The following ARHGEF28 variants were observed in gnomAD, a reference collection of about 807,000 sequenced individuals.
ARHGEF28 encodes the protein 190 kDa guanine nucleotide exchange factor.
A neutral mutation model predicts 206.6 loss-of-function variants in ARHGEF28; 152 were observed. That is an observed-to-expected ratio of 0.74 (90% confidence interval 0.64 to 0.84). The LOEUF (loss-of-function observed/expected upper bound fraction) is 0.84. ARHGEF28 is among the 40% of genes least tolerant of loss of function. The pLI, the probability that ARHGEF28 is intolerant of heterozygous loss-of-function variation, is 0.00. For synonymous variants in ARHGEF28, 763 were observed against 776.4 expected (o/e 0.98, Z 0.29); for missense variants, 2,028 against 2,073.2 (o/e 0.98, Z 0.42).
intron 21 of ARHGEF28, 105 bp from the exon 22 acceptor site, chr5:73,872,894 C>A: frequency 7.9e-7 from 1 of 1,263,382 alleles, no homozygotes; most frequent in East Asian, 2.5e-5. Context: ...CTAAACATTT[C>A]TTTTTTATTT....
intron 6 of ARHGEF28, among the ~76,000 whole-genome samples, chr5:73,779,928 C>T (rs1753738527): frequency 6.6e-6 from 1 of 152,162 alleles, no homozygotes; most frequent in South Asian, 2.1e-4. Context: ...ATCCACGGGG[C>T]TTAATGACAC....
intron 1 of ARHGEF28, among the ~76,000 whole-genome samples, chr5:73,680,434 CAAA>C (rs71615795): frequency 9.8e-5 from 3 of 30,510 alleles, no homozygotes; most frequent in Admixed American, 5.6e-4. Context: ...GACTCCATCT[CAAA>C]AAAAAAAAAA....
At chr5:73,866,159 A>C in intron 18 of ARHGEF28, 146 bp downstream of exon 18, 1 of 798,734 alleles carries the variant, frequency 1.3e-6, no homozygotes, top group Non-Finnish European at 1.9e-6. Flanking sequence ...TTTTAGTTCT[A>C]TAAAGTCGTC....
Position 73,840,547 on chromosome 5 carries a change from G to C in ARHGEF28, c.1214G>C (p.Arg405Thr). The C allele has an allele frequency of 6.2e-7, 1 of 1,613,852 alleles. No homozygotes were observed. Among genetic ancestry groups the C allele is most frequent in the Non-Finnish European group, 8.5e-7 (1 of 1,179,792 alleles). The change falls in exon 11 of 36, where the codon AGA becomes ACA. Residue 405 changes from arginine (R) to threonine (T), a missense_variant. Coordinates refer to ENST00000513042, the MANE Select transcript of ARHGEF28 (RefSeq NM_001177693.2). Reference protein sequence around the residue: ...GITATTSPESRGCTLWPQSSK... With the variant: ...GITATTSPESTGCTLWPQSSK... ...ACTGCCACTACCAGCCCTGAATCCAGAGGTTGCACTCTGTGGCCTCAGAGC... is the reference window on the plus strand; with the variant it reads ...ACTGCCACTACCAGCCCTGAATCCACAGGTTGCACTCTGTGGCCTCAGAGC...
chr5:73,753,068 G>A lies in ARHGEF28; in HGVS notation c.341G>A (p.Ser114Asn). The A allele has an allele frequency of 1.2e-6, 2 of 1,610,668 alleles. No individual in the cohort carries two copies. Among genetic ancestry groups the A allele is most frequent in the Non-Finnish European group, 1.7e-6 (2 of 1,178,404 alleles). The change falls in exon 4 of 36, where the codon AGC (serine) becomes AAC (asparagine). Residue 114 changes from serine (S) to asparagine (N), a missense_variant. Transcript: ENST00000513042. ...CAGGCCAATCGCCTCACAGCCTGCAGCCACCAGACCCTGCTGACCCCATTT... is the reference window on the plus strand; with the variant it reads ...CAGGCCAATCGCCTCACAGCCTGCAACCACCAGACCCTGCTGACCCCATTT... ...VTQANRLTAC[S>N]HQTLLTPFAL...
At chr5:73,772,341 G>A (rs1753267919) in intron 4 of ARHGEF28, among the ~76,000 whole-genome samples, 1 of 152,130 alleles carries the variant, frequency 6.6e-6, no homozygotes, top group African/African-American at 2.4e-5. Context: ...GAGCTGTGAG[G>A]TGAGGTGAGA....
intron 2 of ARHGEF28, among the ~76,000 whole-genome samples, chr5:73,692,374 C>T (rs1311498533): frequency 1.3e-5 from 2 of 152,116 alleles, no homozygotes; most frequent in Admixed American, 1.3e-4. Context: ...TCACTTTTTT[C>T]TCTGGAGGCT....
chr5:73,822,907 A>T (rs540417586), intron 9 of ARHGEF28, among the ~76,000 whole-genome samples: 2 of 152,320 alleles, frequency 1.3e-5, no homozygotes, highest in Middle Eastern at 3.4e-3. Context: ...GATTATAGGC[A>T]TGAGCCACTG....
At chr5:73,898,895 C>T (rs931766102) in intron 30 of ARHGEF28, 1 of 151,910 alleles carries the variant, frequency 6.6e-6, no homozygotes, top group Non-Finnish European at 1.5e-5. Flanking sequence ...GTCTTATGTG[C>T]GTAAGATAAA....
intron 12 of ARHGEF28, 130 bp downstream of exon 12, chr5:73,846,605 G>A: frequency 2.5e-6 from 2 of 784,428 alleles, no homozygotes; most frequent in Non-Finnish European, 3.9e-6. Context: ...AGACCCATGT[G>A]ATATCTGATT....
At chr5:73,845,969 C>CAAG (rs1440700750) in intron 11 of ARHGEF28, among the ~76,000 whole-genome samples, 1 of 19,396 alleles carries the variant, frequency 5.2e-5, no homozygotes, top group Non-Finnish European at 1.7e-4. Context: ...GCCTAGGCAA[C>CAAG]AAGAACAAAA....
At chr5:73,633,334 T>C (rs542885029) in intron 1 of ARHGEF28, among the ~76,000 whole-genome samples, 185 of 151,964 alleles carry the variant, frequency 1.2e-3, no homozygotes, top group Non-Finnish European at 2.0e-3. Flanking sequence ...TGTCCCCCTT[T>C]CTTCTAGGGA....
intron 2 of ARHGEF28, among the ~76,000 whole-genome samples, chr5:73,721,214 A>C (rs889168236): frequency 6.6e-6 from 1 of 152,114 alleles, no homozygotes; most frequent in Non-Finnish European, 1.5e-5. Context: ...GGGCCTGGGA[A>C]TAGGCTGGGT....
intron 2 of ARHGEF28, among the ~76,000 whole-genome samples, chr5:73,703,272 A>T (rs1469418614): frequency 6.6e-6 from 1 of 152,178 alleles, no homozygotes; most frequent in African/African-American, 2.4e-5. Flanking sequence ...GCAAATCCAA[A>T]TCTAGATTTT....
chr5:73,720,625 G>A (rs1208837843), intron 2 of ARHGEF28, among the ~76,000 whole-genome samples: 2 of 152,160 alleles, frequency 1.3e-5, no homozygotes, highest in African/African-American at 2.4e-5. Flanking sequence ...GCTCACAGAT[G>A]GTGTTTGAAA....
intron 1 of ARHGEF28, among the ~76,000 whole-genome samples, chr5:73,670,003 T>G (rs939240528): frequency 1.3e-5 from 2 of 152,198 alleles, no homozygotes; most frequent in Non-Finnish European, 2.9e-5. Context: ...ACTTATATTT[T>G]AGTATGTGTG....
In ARHGEF28 at chr5:73,686,520, CT is replaced by C. The variant is rs753978925; in HGVS notation, c.33+1651del. 7.5e-3 allele frequency among the ~76,000 whole-genome samples: 1,052 copies of C among 140,514 alleles called. 4 individuals are homozygous for C. The highest frequency in any genetic ancestry group is 0.018 in the African/African-American group (685 of 38,458). The allele number at this position is 140,514 out of a possible 152,430, so 92.2% of individuals were successfully genotyped here. On this transcript the variant is annotated intron_variant, in intron 2 of 35. Transcript: ENST00000513042. Reference sequence around the variant, plus strand: ...AGTTTTTCTTTTTTCTTTTTCTTTTCTTTTTTTTTTTTTTTCGAGACGGAGT... The same window carrying C: ...AGTTTTTCTTTTTTCTTTTTCTTTTCTTTTTTTTTTTTTTCGAGACGGAGT...
intron 1 of ARHGEF28, among the ~76,000 whole-genome samples, chr5:73,634,192 A>G (rs1188281450): frequency 6.6e-6 from 1 of 152,300 alleles, no homozygotes; most frequent in South Asian, 2.1e-4. Flanking sequence ...ATTTAGGCTG[A>G]AATCTAGGGC....
rs756416288 is a variant in ARHGEF28 at position 73,936,441 on chromosome 5, G to C, written c.4949-4403G>C. Reference sequence around the variant, plus strand: ...CTGCATTTCAACGCTTCATACCTGCGTCAGATAATGAACTTGGTTGTGTTT... The same window carrying C: ...CTGCATTTCAACGCTTCATACCTGCCTCAGATAATGAACTTGGTTGTGTTT... On this transcript the variant is annotated intron_variant, in intron 35 of 35. Coordinates refer to ENST00000513042, the MANE Select transcript of ARHGEF28 (RefSeq NM_001177693.2). Among the ~76,000 whole-genome samples the C allele has an allele frequency of 6.0e-4, 92 of 152,230 alleles. 1 individual carries two copies. In the South Asian group the frequency reaches 0.019, roughly 31 times the overall value.
Sources: allele counts gnomAD v4.1 joint callset (sites outside exome capture counted in the v4.1 genomes callset), GRCh38; gene constraint gnomAD v4.1.1; transcripts MANE v1.5; gene names NCBI Gene and HGNC (gene_info 2026-07-23, HGNC 2026-07-21).